UBA6: variants seen among roughly 807,000 people sequenced by gnomAD.
The protein encoded by UBA6 is ubiquitin-like modifier-activating enzyme 6.
A neutral mutation model predicts 148.3 loss-of-function variants in UBA6; 87 were observed. That is an observed-to-expected ratio of 0.59 (90% CI 0.49 to 0.70). The LOEUF (loss-of-function observed/expected upper bound fraction) is 0.70. Ranked by LOEUF, UBA6 falls within the 30% of genes least tolerant of loss-of-function variation. UBA6 has a pLI of 0.00. For synonymous variants in UBA6, 376 were observed against 401.0 expected (o/e 0.94, Z 0.75); for missense variants, 1,186 against 1,241.2 (o/e 0.96, Z 0.67).
intron 13 of UBA6, among the ~76,000 whole-genome samples, chr4:67,649,971 G>C (rs114612358): frequency 0.013 from 1,916 of 152,190 alleles, 40 homozygotes; most frequent in African/African-American, 0.042. Flanking sequence ...GGAGAGGACA[G>C]AGAAGAGTTT....
intron 13 of UBA6, among the ~76,000 whole-genome samples, chr4:67,651,210 TAAC>T (rs1298193652): frequency 6.6e-6 from 1 of 152,076 alleles, no homozygotes; most frequent in Non-Finnish European, 1.5e-5. Context: ...TACATATTCT[TAAC>T]AAGCACTTGG....
chr4:67,618,821 A>G lies in UBA6; in HGVS notation c.*176T>C. The G allele has an allele frequency of 1.7e-6, 1 of 591,504 alleles. No individual in the cohort carries two copies. The highest frequency in any genetic ancestry group is 3.5e-5 in the Admixed American group (1 of 28,412). 36.6% of individuals were successfully genotyped at this position (591,504 alleles called of 1,614,324 possible). On this transcript the variant is annotated 3_prime_UTR_variant, in exon 33 of 33. Coordinates refer to ENST00000322244, the MANE Select transcript of UBA6 (RefSeq NM_018227.6). ...GTGAACCGTTAGACAAGTGTATGCT[A>G]TGCCCCAAAATGTTTTATAATTCTT... is the stretch of plus-strand genomic sequence containing the variant.
chr4:67,658,636 A>G (rs1178751815), intron 13 of UBA6, among the ~76,000 whole-genome samples: 1 of 152,186 alleles, frequency 6.6e-6, no homozygotes, highest in Non-Finnish European at 1.5e-5. Context: ...AACCCCCATG[A>G]TGCAAATTTA....
chr4:67,651,054 A>C (rs1304159243), intron 13 of UBA6, among the ~76,000 whole-genome samples: 1 of 152,172 alleles, frequency 6.6e-6, no homozygotes, highest in Non-Finnish European at 1.5e-5. Context: ...TAAAACCCTT[A>C]TCCTGTCCAA....
At chr4:67,636,809 G>A (rs1359902001) in intron 19 of UBA6, among the ~76,000 whole-genome samples, 8 of 151,826 alleles carry the variant, frequency 5.3e-5, no homozygotes, top group Admixed American at 6.6e-5. Context: ...CTGCCCGGCC[G>A]CCACCCCGTC....
chr4:67,661,178 G>A (rs916564531), intron 13 of UBA6, among the ~76,000 whole-genome samples: 4 of 152,164 alleles, frequency 2.6e-5, no homozygotes, highest in African/African-American at 7.2e-5. Context: ...ATGCTGGAAT[G>A]AGCTAAGACT....
At chr4:67,673,838 A>G in intron 6 of UBA6, 61 bp from the exon 7 acceptor site, 1 of 1,202,158 alleles carries the variant, frequency 8.3e-7, no homozygotes, top group Non-Finnish European at 1.2e-6. Flanking sequence ...GTAGTATACA[A>G]TAATCAGAAG....
intron 4 of UBA6, among the ~76,000 whole-genome samples, chr4:67,680,037 C>T (rs1249434002): frequency 6.6e-6 from 1 of 152,112 alleles, no homozygotes; most frequent in Non-Finnish European, 1.5e-5. Context: ...CATATAAATT[C>T]ACTGGTCAAT....
chr4:67,646,084 T>G (rs1367781099), intron 15 of UBA6, 68 bp from the exon 16 acceptor site: 1 of 861,226 alleles, frequency 1.2e-6, no homozygotes, highest in African/African-American at 1.7e-5. Flanking sequence ...CTGTCATTAA[T>G]ACCAATTTAA....
intron 2 of UBA6, 30 bp from the exon 3 acceptor site, chr4:67,682,243 A>T: frequency 6.5e-7 from 1 of 1,534,474 alleles, no homozygotes. Flanking sequence ...AAAAACAAAA[A>T]ATTATTTCAC....
chr4:67,659,672 C>G (rs80148221), intron 13 of UBA6, among the ~76,000 whole-genome samples: 2,943 of 31,410 alleles, frequency 0.094, 66 homozygotes, highest in East Asian at 0.32. Context: ...TGACAACAGA[C>G]TAATACAGTA....
rs1274532087 is a variant in UBA6, at chr4:67,621,983, CA to C, written c.3023+847del. Among the ~76,000 whole-genome samples, 10 of 152,114 alleles carry C rather than the reference CA, an allele frequency of 6.6e-5. No individual in the cohort carries two copies. The East Asian group carries it at 1.4e-3, about 21-fold the overall frequency. ...AGGCCTCTTTAGGAAGTGCAAAGAC[CA>C]GGGGTGAGACTTGGCCAGGTCACTG... On this transcript the variant is annotated intron_variant, in intron 32 of 32. Coordinates refer to ENST00000322244, the MANE Select transcript of UBA6 (RefSeq NM_018227.6).
chr4:67,665,172 GAA>G lies in UBA6; in HGVS notation c.897+15_897+16del. On this transcript the variant is annotated intron_variant, in intron 10 of 32. Coordinates refer to ENST00000322244, the MANE Select transcript of UBA6 (RefSeq NM_018227.6). ...TCTGTAAAAAAATGTTTTTTAAGCC[GAA>G]AAAAAAATACTTACAAAAAAAACTG... 5 of 1,446,750 alleles carry G rather than the reference GAA, an allele frequency of 3.5e-6. No homozygotes were observed. The highest frequency in any genetic ancestry group is 2.4e-5 in the East Asian group (1 of 41,424). 89.6% of individuals were successfully genotyped at this position (1,446,750 alleles called of 1,614,324 possible).
intron 7 of UBA6, among the ~76,000 whole-genome samples, chr4:67,670,976 G>A (rs937571034): frequency 3.3e-5 from 5 of 152,134 alleles, no homozygotes; most frequent in Non-Finnish European, 7.4e-5. Context: ...AAAGAGGAAT[G>A]AAGTGCTCAT....
intron 9 of UBA6, among the ~76,000 whole-genome samples, chr4:67,666,454 C>T (rs569449431): frequency 1.3e-5 from 2 of 151,592 alleles, no homozygotes; most frequent in African/African-American, 2.4e-5. Flanking sequence ...ACACCAAACT[C>T]AGCTGCTGTT....
chr4:67,688,314 T>C (rs913673623), intron 2 of UBA6, among the ~76,000 whole-genome samples: 35 of 152,186 alleles, frequency 2.3e-4, no homozygotes, highest in African/African-American at 8.4e-4. Context: ...TTGGGACTCA[T>C]TCATTTCTTC....
intron 28 of UBA6, among the ~76,000 whole-genome samples, chr4:67,626,049 A>T (rs566799079): frequency 1.1e-3 from 172 of 152,098 alleles, no homozygotes; most frequent in African/African-American, 3.9e-3. Flanking sequence ...CCTTAAAAAC[A>T]GAGCTTTTCA....
At chr4:67,693,923 G>A (rs1730760522) in intron 2 of UBA6, among the ~76,000 whole-genome samples, 1 of 151,910 alleles carries the variant, frequency 6.6e-6, no homozygotes, top group South Asian at 2.1e-4. Context: ...TTTTTAAAAA[G>A]AGAAAATACA....
chr4:67,621,092 CCACTA>C (rs1358262878), intron 32 of UBA6, among the ~76,000 whole-genome samples: 2 of 152,112 alleles, frequency 1.3e-5, no homozygotes, highest in Non-Finnish European at 2.9e-5. Flanking sequence ...ATTTTAAACT[CCACTA>C]GTCAATACAC....
Sources: allele counts gnomAD v4.1 joint callset (sites outside exome capture counted in the v4.1 genomes callset), GRCh38; gene constraint gnomAD v4.1.1; transcripts MANE v1.5; gene names NCBI Gene and HGNC (gene_info 2026-07-23, HGNC 2026-07-21).